Variants in NDUFAF6 observed in about 807,000 individuals in gnomAD.
NDUFAF6 encodes the protein NADH:ubiquinone oxidoreductase complex assembly factor 6.
NDUFAF6 carries 45 observed loss-of-function variants against 40.8 expected under a neutral mutation model. The ratio of observed to expected loss-of-function variants is 1.10; its 90% CI spans 0.87 to 1.42. The LOEUF is 1.42. Among genes scored for constraint, NDUFAF6 ranks in the 40% most tolerant of loss-of-function variants. NDUFAF6 has a pLI of 0.00. For synonymous variants in NDUFAF6, 185 were observed against 155.9 expected, an observed-to-expected ratio of 1.19 and a Z score of -1.39; for missense variants, 435 against 418.5, an observed-to-expected ratio of 1.04 and a Z score of -0.34.
intron 7 of NDUFAF6, among the ~76,000 whole-genome samples, chr8:95,050,445 T>C (rs1831301093): frequency 6.6e-6 from 1 of 152,214 alleles, no homozygotes; most frequent in Non-Finnish European, 1.5e-5. Flanking sequence ...ACCAGAAGCC[T>C]GACTTTAAAT....
chr8:94,961,435 CT>C (rs1300936423), intron 1 of NDUFAF6, among the ~76,000 whole-genome samples: 1 of 152,012 alleles, frequency 6.6e-6, no homozygotes, highest in Admixed American at 6.5e-5. Context: ...TGTTTTTTTT[CT>C]TTTGAGACGG....
chr8:94,920,335 C>T (rs898436518), intron 1 of NDUFAF6, among the ~76,000 whole-genome samples: 1 of 152,124 alleles, frequency 6.6e-6, no homozygotes, highest in Admixed American at 6.5e-5. Context: ...CTGTGAAGTT[C>T]GATTTCAAGG....
At chr8:95,032,403 C>T (rs1489558144) in intron 2 of NDUFAF6, among the ~76,000 whole-genome samples, 1 of 152,206 alleles carries the variant, frequency 6.6e-6, no homozygotes, top group Non-Finnish European at 1.5e-5. Context: ...CAGAGAATTA[C>T]TGCTTATTCT....
upstream of NDUFAF6, chr8:95,024,940 G>A (rs1348115447): frequency 1.6e-6 from 2 of 1,245,426 alleles, no homozygotes; most frequent in Non-Finnish European, 2.0e-6. Context: ...AGGGGAACCT[G>A]CAGGGGCGTG....
intron 2 of NDUFAF6, among the ~76,000 whole-genome samples, chr8:94,991,814 T>G (rs1194879726): frequency 2.1e-5 from 3 of 142,172 alleles, no homozygotes; most frequent in Non-Finnish European, 3.1e-5. Context: ...CCCCTTTTTT[T>G]TTTTAAAGCA....
At chr8:95,024,921 A>G, upstream of NDUFAF6, 2 of 1,156,310 alleles carry the variant, frequency 1.7e-6, no homozygotes, top group South Asian at 3.5e-5. Context: ...CCGCGACTCA[A>G]AGGAGCATAG....
Position 95,058,442 on chromosome 8 carries a change from C to A in NDUFAF6, c.*505C>A. 8.1e-7 allele frequency: 1 copy of A among 1,231,192 alleles called. No homozygotes were observed. The highest frequency in any genetic ancestry group is 1.0e-6 in the Non-Finnish European group (1 of 987,864). 76.3% of individuals were successfully genotyped at this position (1,231,192 alleles called of 1,614,324 possible). A position where few individuals can be genotyped will look rare whatever the true frequency, so the allele number is the denominator to read the frequency against. Reference sequence around the variant, plus strand: ...TCAGTCACGTGTTGTGGGCTTTTATCCTTAACGTTTAATTTTTACAATCTT... The same window carrying A: ...TCAGTCACGTGTTGTGGGCTTTTATACTTAACGTTTAATTTTTACAATCTT... On this transcript the variant is annotated 3_prime_UTR_variant, in exon 9 of 9. Coordinates refer to ENST00000396124, the MANE Select transcript of NDUFAF6 (RefSeq NM_152416.4).
chr8:94,949,877 C>G (rs1255667414), intron 2 of NDUFAF6, among the ~76,000 whole-genome samples: 3 of 152,062 alleles, frequency 2.0e-5, no homozygotes, highest in African/African-American at 4.8e-5. Flanking sequence ...CCTGGTCAGC[C>G]TAGGGTTAGA....
intron 4 of NDUFAF6, among the ~76,000 whole-genome samples, chr8:95,043,386 A>C (rs1830363800): frequency 1.3e-5 from 2 of 151,942 alleles, no homozygotes; most frequent in Non-Finnish European, 2.9e-5. Context: ...ACCGCGCCCT[A>C]GGCAGTGGTT....
chr8:94,953,441 A>C (rs1179782449), upstream of NDUFAF6, among the ~76,000 whole-genome samples: 1 of 152,140 alleles, frequency 6.6e-6, no homozygotes, highest in East Asian at 1.9e-4. Context: ...ATGGCCCTTC[A>C]TACACCACCC....
rs10095946 is a variant in NDUFAF6 at position 95,011,679 on chromosome 8, T to C, written c.-83-20316T>C. Reference sequence around the variant, plus strand: ...ATTTGGGTTTAGGGTGGGAATGGTATAGAAGCTAAAGAGTTACTTTATTCA... The same window carrying C: ...ATTTGGGTTTAGGGTGGGAATGGTACAGAAGCTAAAGAGTTACTTTATTCA... On this transcript the variant is annotated intron_variant, in intron 2 of 9. Coordinates refer to the NDUFAF6 transcript ENST00000396111. Among the ~76,000 whole-genome samples, 442 of 152,304 alleles carry C rather than the reference T, an allele frequency of 2.9e-3. 2 individuals carry two copies. The highest frequency in any genetic ancestry group is 0.01 in the African/African-American group (416 of 41,550).
chr8:94,909,543 T>A (rs1818625252), intron 1 of NDUFAF6, among the ~76,000 whole-genome samples: 1 of 151,494 alleles, frequency 6.6e-6, no homozygotes, highest in East Asian at 1.9e-4. Flanking sequence ...GGAGAATCGC[T>A]TGAACCTAGG....
chr8:94,962,392 A>C (rs1399995577), intron 1 of NDUFAF6, among the ~76,000 whole-genome samples: 1 of 152,140 alleles, frequency 6.6e-6, no homozygotes, highest in African/African-American at 2.4e-5. Context: ...TTCTGGATTC[A>C]AGCAATTCTC....
At chr8:94,937,871 A>G (rs150446675) in intron 1 of NDUFAF6, among the ~76,000 whole-genome samples, 30 of 152,172 alleles carry the variant, frequency 2.0e-4, no homozygotes, top group African/African-American at 6.5e-4. Flanking sequence ...TTTTGTACCT[A>G]TGTCACCTTA....
chr8:94,903,181 G>C (rs912583462), intron 1 of NDUFAF6, among the ~76,000 whole-genome samples: 11 of 152,064 alleles, frequency 7.2e-5, no homozygotes, highest in African/African-American at 2.2e-4. Flanking sequence ...ACCACCCTGG[G>C]CAACCCTGGC....
intron 1 of NDUFAF6, among the ~76,000 whole-genome samples, chr8:94,941,417 T>C (rs955475552): frequency 6.6e-6 from 1 of 152,178 alleles, no homozygotes; most frequent in Non-Finnish European, 1.5e-5. Context: ...TTCTAGATAG[T>C]AACAGTCTTG....
chr8:94,917,189 C>T (rs1230816179), intron 1 of NDUFAF6, among the ~76,000 whole-genome samples: 2 of 150,932 alleles, frequency 1.3e-5, no homozygotes, highest in South Asian at 2.1e-4. Flanking sequence ...TGTACGTTAA[C>T]GTAGAAGGTT....
intron 1 of NDUFAF6, chr8:94,930,341 A>C (rs1370052714): frequency 1.7e-6 from 2 of 1,212,090 alleles, no homozygotes; most frequent in South Asian, 1.5e-5. Context: ...TTTTCAAGAT[A>C]GTGTCTAAAT....
At chr8:95,108,717 A>G (rs1428991566) in intron 4 of NDUFAF6, among the ~76,000 whole-genome samples, 1 of 152,190 alleles carries the variant, frequency 6.6e-6, no homozygotes, top group African/African-American at 2.4e-5. Flanking sequence ...ATATGGGGAA[A>G]TTGGAACCTT....
Sources: allele counts gnomAD v4.1 joint callset (sites outside exome capture counted in the v4.1 genomes callset), GRCh38; gene constraint gnomAD v4.1.1; transcripts MANE v1.5; gene names NCBI Gene and HGNC (gene_info 2026-07-23, HGNC 2026-07-21).